Variants in BBOF1 observed in about 807,000 individuals in gnomAD.
BBOF1 encodes the protein basal body orientation factor 1.
Under a neutral mutation model 68.0 loss-of-function variants are expected in BBOF1, and 62 were observed. That is an observed-to-expected ratio of 0.91 (90% CI 0.74 to 1.13). BBOF1 has a LOEUF of 1.13. Ranked by LOEUF, BBOF1 falls within the 50% of genes most tolerant of loss-of-function variation. The pLI, the probability that BBOF1 is intolerant of heterozygous loss-of-function variation, is 0.00. For synonymous variants in BBOF1, 208 were observed against 198.8 expected, an observed-to-expected ratio of 1.05 and a Z score of -0.39; for missense variants, 534 against 600.1, an observed-to-expected ratio of 0.89 and a Z score of 1.15.
intron 6 of BBOF1, 110 bp downstream of exon 6, chr14:74,046,240 T>G: frequency 1.1e-6 from 1 of 932,174 alleles, no homozygotes; most frequent in Non-Finnish European, 1.6e-6. Flanking sequence ...CTTACTTGCT[T>G]CAAATTTTCT....
intron 2 of BBOF1, among the ~76,000 whole-genome samples, chr14:74,023,406 T>C (rs576703330): frequency 6.6e-6 from 1 of 152,340 alleles, no homozygotes; most frequent in Middle Eastern, 3.4e-3. Context: ...CTTTATGATC[T>C]ACTTTATTTT....
chr14:74,082,393 GTTTTTTTTTTTTTTT>G (rs869211328), intron 12 of BBOF1, among the ~76,000 whole-genome samples: 4 of 77,568 alleles, frequency 5.2e-5, no homozygotes, highest in Non-Finnish European at 9.4e-5. Flanking sequence ...CAAAATCGAG[GTTTTTTTTTTTTTTT>G]TTTTTTTTTT....
chr14:74,029,211 G>T lies in BBOF1; in HGVS notation c.313G>T (p.Glu105Ter). The T allele has an allele frequency of 6.4e-7, 1 of 1,562,060 alleles. No homozygotes were observed. Among genetic ancestry groups the T allele is most frequent in the South Asian group, 1.2e-5 (1 of 84,778 alleles). Reference sequence around the variant, plus strand: ...TGAAAAACTGAAACAGCAATTAAATGAAACAAAGGAAAAAGCCCAAGAGGA... The same window carrying T: ...TGAAAAACTGAAACAGCAATTAAATTAAACAAAGGAAAAAGCCCAAGAGGA... Reference protein sequence around the residue: ...MIEKLKQQLNETKEKAQEEKD... With the variant: ...MIEKLKQQLN The change falls in exon 3 of 12, where the codon GAA becomes TAA. Residue 105 changes from glutamate (E) to a stop codon, truncating the protein, a stop_gained. Coordinates refer to ENST00000394009, the MANE Select transcript of BBOF1 (RefSeq NM_025057.3). LOFTEE classifies it high-confidence loss of function.
At chr14:74,023,600 A>C (rs2059352239) in intron 2 of BBOF1, among the ~76,000 whole-genome samples, 2 of 152,142 alleles carry the variant, frequency 1.3e-5, no homozygotes, top group South Asian at 4.1e-4. Context: ...TGTTGAGAGT[A>C]AAGCTATCAT....
At position 74,064,707 on chromosome 14, in the gene BBOF1, T is replaced by G; in HGVS notation, c.*8T>G. ...TTTTAGGGAACCTTCTGAGAAGCAC[T>G]GATTATGACCTCACAGATGCTGCTG... On this transcript the variant is annotated 3_prime_UTR_variant, in exon 12 of 12. Transcript: ENST00000394009. 1.2e-6 allele frequency: 2 copies of G among 1,614,112 alleles called. No homozygotes were observed.
intron 9 of BBOF1, among the ~76,000 whole-genome samples, chr14:74,074,287 A>G (rs1011336258): frequency 1.3e-4 from 18 of 139,214 alleles, no homozygotes; most frequent in African/African-American, 4.8e-4. Flanking sequence ...CCTTTCACTA[A>G]ATTTTTTTTT....
chr14:74,068,785 C>G, downstream of BBOF1: 1 of 1,551,648 alleles, frequency 6.4e-7, no homozygotes, highest in Admixed American at 1.7e-5. Context: ...TGAGTGGCCT[C>G]TCTGCTGAAG....
chr14:74,072,502 C>T, intron 9 of BBOF1: 13 of 1,613,616 alleles, frequency 8.1e-6, no homozygotes, highest in Non-Finnish European at 1.1e-5. Flanking sequence ...GAATTCTAGG[C>T]TCATAAGTTG....
chr14:74,030,396 AT>A (rs1459341602), intron 3 of BBOF1, among the ~76,000 whole-genome samples: 10 of 151,680 alleles, frequency 6.6e-5, no homozygotes, highest in Non-Finnish European at 1.3e-4. Context: ...TTTTAATTTA[AT>A]TTTTTTAGAG....
chr14:74,062,105 A>C (rs1311985602), intron 11 of BBOF1, among the ~76,000 whole-genome samples: 1 of 148,218 alleles, frequency 6.7e-6, no homozygotes, highest in Admixed American at 6.7e-5. Context: ...AGCCTGAGGC[A>C]GAATTGCTTG....
intron 9 of BBOF1, chr14:74,071,669 G>T: frequency 6.6e-7 from 1 of 1,519,994 alleles, no homozygotes. Flanking sequence ...CTCTGAATGG[G>T]AAAAATACAG....
Position 74,046,106 on chromosome 14 carries a change from A to T in BBOF1, c.623A>T (p.Glu208Val), listed in dbSNP as rs1180947412. The change falls in exon 6 of 12, where the codon GAG (glutamate) becomes GTG (valine). Residue 208 changes from glutamate (E) to valine (V), a missense_variant. Glu to Val is a moderately radical substitution (Grantham distance 121). Coordinates refer to ENST00000394009, the MANE Select transcript of BBOF1 (RefSeq NM_025057.3). ...EAEKKIIMLAERAHHEAIVQL... is the reference protein window; with the variant it reads ...EAEKKIIMLAVRAHHEAIVQL... ...GAAAAGAAGATAATAATGCTAGCAG[A>T]GAGAGCCCACCATGAGGCTATTGTG... 87 of 1,608,688 alleles carry T rather than the reference A, an allele frequency of 5.4e-5. No homozygotes were observed. The highest frequency in any genetic ancestry group is 7.3e-5 in the Non-Finnish European group (86 of 1,177,632).
At chr14:74,062,057 A>G (rs1595106529) in intron 11 of BBOF1, among the ~76,000 whole-genome samples, 2 of 133,096 alleles carry the variant, frequency 1.5e-5, no homozygotes, top group East Asian at 2.0e-4. Flanking sequence ...CTGGGAAAAA[A>G]AAAAAAAAAA....
At chr14:74,074,993 G>C in intron 9 of BBOF1, 1 of 1,614,010 alleles carries the variant, frequency 6.2e-7, no homozygotes, top group Non-Finnish European at 8.5e-7. Context: ...TACCAGGTGG[G>C]ACTGGATTTC....
At chr14:74,038,012 CT>C (rs1351710087) in intron 4 of BBOF1, among the ~76,000 whole-genome samples, 1 of 100,560 alleles carries the variant, frequency 9.9e-6, no homozygotes, top group Non-Finnish European at 1.9e-5. Flanking sequence ...CATTTTCTAT[CT>C]TTTTTATACC....
At chr14:74,070,320 A>T (rs1429781568), downstream of BBOF1, among the ~76,000 whole-genome samples, 3 of 152,054 alleles carry the variant, frequency 2.0e-5, no homozygotes, top group Non-Finnish European at 4.4e-5. Context: ...GGAGTTTGAG[A>T]CTAGCCTGGC....
chr14:74,080,875 C>CAATTA (rs1222347829), intron 10 of BBOF1, among the ~76,000 whole-genome samples: 1 of 152,206 alleles, frequency 6.6e-6, no homozygotes, highest in Non-Finnish European at 1.5e-5. Context: ...AAAGACTAAT[C>CAATTA]CCCTTGATGT....
At chr14:74,043,226 C>A (rs1044244973) in intron 5 of BBOF1, among the ~76,000 whole-genome samples, 4 of 152,062 alleles carry the variant, frequency 2.6e-5, no homozygotes, top group Non-Finnish European at 4.4e-5. Flanking sequence ...AATCACAAAG[C>A]CCTGTCCTAC....
chr14:74,072,556 C>T (rs900892673), intron 9 of BBOF1: 2 of 1,614,020 alleles, frequency 1.2e-6, no homozygotes, highest in Non-Finnish European at 1.7e-6. Flanking sequence ...GATATCGATC[C>T]ATTTGTCACT....
Sources: gnomAD v4.1 joint callset for allele counts (sites outside exome capture counted in the v4.1 genomes callset) on GRCh38, gnomAD v4.1.1 for gene constraint, MANE v1.5 for transcripts, NCBI Gene and HGNC (gene_info 2026-07-23, HGNC 2026-07-21) for gene names.